Variants in WLS observed in about 807,000 individuals in gnomAD.
WLS encodes the protein Wnt ligand secretion mediator, also known as protein wntless homolog.
Under a neutral mutation model 62.8 loss-of-function variants are expected in WLS, and 23 were observed. The ratio of observed to expected loss-of-function variants is 0.37; its 90% CI spans 0.26 to 0.52. WLS has a LOEUF of 0.52. Among genes scored for constraint, WLS ranks in the 20% least tolerant of loss-of-function variants. The pLI is 0.92. For synonymous variants in WLS, 246 were observed against 244.1 expected (o/e 1.01, Z -0.07); for missense variants, 615 against 697.3 (o/e 0.88, Z 1.33).
chr1:68,210,748 A>T (rs1649480757), intron 1 of WLS, among the ~76,000 whole-genome samples: 2 of 152,344 alleles, frequency 1.3e-5, no homozygotes, highest in South Asian at 2.1e-4. Context: ...GCCGCTCATC[A>T]CTACAAGAGG....
intron 8 of WLS, 46 bp from the exon 9 acceptor site, chr1:68,146,058 T>G (rs776090284): frequency 1.4e-5 from 23 of 1,604,418 alleles, no homozygotes; most frequent in Admixed American, 5.1e-5. Flanking sequence ...CAAGGCCAAG[T>G]TGAGCCGGGT....
At chr1:68,213,902 G>A (rs188829366) in intron 1 of WLS, among the ~76,000 whole-genome samples, 1 of 152,218 alleles carries the variant, frequency 6.6e-6, no homozygotes. Flanking sequence ...CCTTCTAGAT[G>A]TCCCAAAGAA....
At chr1:68,108,170 G>A (rs1337406) in intron 11 of WLS, among the ~76,000 whole-genome samples, 118,557 of 152,098 alleles carry the variant, frequency 0.78, 46,658 homozygotes, top group Non-Finnish European at 0.84. Flanking sequence ...GGCAGGAATC[G>A]GCTTGTGAAG....
intron 11 of WLS, chr1:68,100,848 A>G (rs937590902): frequency 3.3e-5 from 5 of 152,070 alleles, no homozygotes; most frequent in African/African-American, 1.2e-4. Flanking sequence ...TTTTTCTTTC[A>G]CTCTAGCAGT....
chr1:68,172,607 T>C (rs1269950006), intron 2 of WLS, among the ~76,000 whole-genome samples: 1 of 152,170 alleles, frequency 6.6e-6, no homozygotes, highest in Non-Finnish European at 1.5e-5. Context: ...ATATGAAGTA[T>C]ACAGTCAGCA....
At position 68,150,176 on chromosome 1, in the gene WLS, G is replaced by A. The variant is rs376635063; in HGVS notation, c.972+12C>T. 1.9e-5 allele frequency: 31 copies of A among 1,613,112 alleles called. No homozygotes were observed. Among genetic ancestry groups the A allele is most frequent in the African/African-American group, 1.7e-4 (13 of 74,890 alleles). ...GCTGGTACAGACGTCTGTCCCTCCC[G>A]GCGGCTCTTACCATCATGTGCTCGC... On this transcript the variant is annotated intron_variant, in intron 6 of 11. Coordinates refer to ENST00000262348, the MANE Select transcript of WLS (RefSeq NM_024911.7).
chr1:68,214,893 G>T (rs1458072482), intron 1 of WLS, among the ~76,000 whole-genome samples: 1 of 152,110 alleles, frequency 6.6e-6, no homozygotes, highest in African/African-American at 2.4e-5. Flanking sequence ...TCATTCTCAG[G>T]CTTCATTGGA....
rs113527913 is a variant in WLS, at chr1:68,200,464, C to T, written c.107-6237G>A. On this transcript the variant is annotated intron_variant, in intron 1 of 11. Transcript: ENST00000262348. Reference sequence around the variant, plus strand: ...TAAAAATAATTGGGACTGATTTCAACGGATAGAATTAATGTTGGGGCGGGG... The same window carrying T: ...TAAAAATAATTGGGACTGATTTCAATGGATAGAATTAATGTTGGGGCGGGG... 2.2e-3 allele frequency among the ~76,000 whole-genome samples: 245 copies of T among 113,420 alleles called. 1 individual carries two copies. Among genetic ancestry groups the T allele is most frequent in the African/African-American group, 8.2e-3 (238 of 28,880 alleles). 74.4% of individuals were successfully genotyped at this position (113,420 alleles called of 152,430 possible). A position where few individuals can be genotyped will look rare whatever the true frequency, so the allele number is the denominator to read the frequency against.
chr1:68,209,926 A>C (rs1000275493), intron 1 of WLS, among the ~76,000 whole-genome samples: 2 of 152,222 alleles, frequency 1.3e-5, no homozygotes, highest in African/African-American at 4.8e-5. Context: ...CCAGGTCCAT[A>C]GTCTCTCCTT....
exon 12 of WLS, chr1:68,098,717 G>A (rs748039646): frequency 2.5e-6 from 4 of 1,613,654 alleles, no homozygotes; most frequent in South Asian, 1.1e-5. Context: ...AACAAACAAA[G>A]CACAATCTTC....
At chr1:68,192,607 A>C (rs1293777463) in intron 2 of WLS, among the ~76,000 whole-genome samples, 1 of 150,912 alleles carries the variant, frequency 6.6e-6, no homozygotes, top group Admixed American at 6.6e-5. Context: ...AAAAAATTAC[A>C]AAATTAGCGT....
At chr1:68,137,366 A>G (rs1385366353) in intron 11 of WLS, among the ~76,000 whole-genome samples, 1 of 152,198 alleles carries the variant, frequency 6.6e-6, no homozygotes, top group Admixed American at 6.5e-5. Context: ...AATGAAGCCT[A>G]TTCCATCTTC....
intron 2 of WLS, among the ~76,000 whole-genome samples, chr1:68,172,091 C>T (rs1647162279): frequency 6.6e-6 from 1 of 150,824 alleles, no homozygotes; most frequent in Admixed American, 6.6e-5. Context: ...CATGTTCTCA[C>T]TCATAAGTGG....
chr1:68,114,824 C>A (rs890205019), intron 11 of WLS, among the ~76,000 whole-genome samples: 3 of 152,212 alleles, frequency 2.0e-5, no homozygotes, highest in African/African-American at 7.2e-5. Flanking sequence ...TAGGGTAAAG[C>A]AAGAACAGAG....
intron 1 of WLS, among the ~76,000 whole-genome samples, chr1:68,216,121 C>T (rs1368549633): frequency 6.6e-6 from 1 of 152,148 alleles, no homozygotes; most frequent in Non-Finnish European, 1.5e-5. Context: ...AATGTTTGGC[C>T]AATACACAGT....
chr1:68,131,210 CT>C (rs5774913), intron 11 of WLS, among the ~76,000 whole-genome samples: 19 of 146,292 alleles, frequency 1.3e-4, no homozygotes, highest in South Asian at 2.2e-4. Flanking sequence ...CGCACCTGGC[CT>C]TTTTTTTTTT....
intron 2 of WLS, among the ~76,000 whole-genome samples, chr1:68,170,160 C>CTTTTTTTCT (rs1553131191): frequency 2.5e-4 from 22 of 86,770 alleles, no homozygotes; most frequent in South Asian, 1.3e-3. Flanking sequence ...GCTACTATTT[C>CTTTTTTTCT]TTTTTTTTTT....
downstream of WLS, among the ~76,000 whole-genome samples, chr1:68,123,093 G>A (rs1557455479): frequency 6.6e-6 from 1 of 151,996 alleles, no homozygotes; most frequent in Non-Finnish European, 1.5e-5. Context: ...TCACTTCCCT[G>A]CGGACTAAAA....
rs140448934 is a variant in WLS, at chr1:68,106,952, C to T, written c.1511-8199G>A. Among the ~76,000 whole-genome samples, 521 of 152,172 alleles carry T rather than the reference C, an allele frequency of 3.4e-3. 6 individuals carry two copies. The highest frequency in any genetic ancestry group is 5.4e-3 in the African/African-American group (226 of 41,502). ...TATACCTTACTGAAACCAACTAAGT[C>T]GGTATGCATTTGAACGTGTATATTC... On this transcript the variant is annotated intron_variant, in intron 11 of 11. Coordinates refer to the WLS transcript ENST00000354777.
Sources: allele counts gnomAD v4.1 joint callset (sites outside exome capture counted in the v4.1 genomes callset), GRCh38; gene constraint gnomAD v4.1.1; transcripts MANE v1.5; gene names NCBI Gene and HGNC (gene_info 2026-07-23, HGNC 2026-07-21).